The following ETHE1 variants were observed in gnomAD, a reference collection of about 807,000 sequenced individuals.
The protein encoded by ETHE1 is persulfide dioxygenase ETHE1, mitochondrial.
A neutral mutation model predicts 25.7 loss-of-function variants in ETHE1; 16 were observed. That is an observed-to-expected ratio of 0.62 (90% CI 0.42 to 0.95). ETHE1 has a LOEUF of 0.95. ETHE1 is among the 40% of genes least tolerant of loss of function. The probability of loss-of-function intolerance (pLI) is 0.00; values close to 1 mark genes in which losing one functional copy is unlikely to be tolerated. For missense variants in ETHE1, 300 were observed against 333.6 expected, an observed-to-expected ratio of 0.90 and a Z score of 0.79; for synonymous variants, 139 against 135.9, an observed-to-expected ratio of 1.02 and a Z score of -0.16.
chr19:43,523,463 G>A (rs1972176417), intron 3 of ETHE1, among the ~76,000 whole-genome samples: 1 of 151,830 alleles, frequency 6.6e-6, no homozygotes, highest in African/African-American at 2.4e-5. Flanking sequence ...TTTTAGTAGA[G>A]ACAGGGTTTC....
chr19:43,518,278 T>C (rs917114798), intron 3 of ETHE1, among the ~76,000 whole-genome samples: 5 of 150,736 alleles, frequency 3.3e-5, no homozygotes, highest in Admixed American at 2.6e-4. Flanking sequence ...GCACTTTGAG[T>C]CACCGAGAGG....
chr19:43,510,131 C>T (rs189149018), intron 4 of ETHE1, among the ~76,000 whole-genome samples: 71 of 152,224 alleles, frequency 4.7e-4, no homozygotes, highest in African/African-American at 1.6e-3. Context: ...CCTCTCCCCA[C>T]AAGACAGCTA....
At chr19:43,511,161 T>C (rs1250480299) in intron 4 of ETHE1, among the ~76,000 whole-genome samples, 1 of 152,100 alleles carries the variant, frequency 6.6e-6, no homozygotes, top group Non-Finnish European at 1.5e-5. Context: ...TCATTATCTA[T>C]TGCAATGTAA....
chr19:43,519,292 G>A (rs1212801901), intron 3 of ETHE1, among the ~76,000 whole-genome samples: 2 of 152,046 alleles, frequency 1.3e-5, no homozygotes, highest in African/African-American at 4.8e-5. Context: ...GATTACAGGC[G>A]TGAGCCACCG....
At position 43,519,641 on chromosome 19, in the gene ETHE1, T is replaced by G. The variant is rs558951023; in HGVS notation, c.375+6560A>C. ...GAATCCTGTAAAGCATTCAGCTTGCTGGCCTTGGAGTTCCCACGGCCTACA... is the reference window on the plus strand; with the variant it reads ...GAATCCTGTAAAGCATTCAGCTTGCGGGCCTTGGAGTTCCCACGGCCTACA... On this transcript the variant is annotated intron_variant, in intron 3 of 6. Coordinates refer to ENST00000292147, the MANE Select transcript of ETHE1 (RefSeq NM_014297.5). 3.5e-4 allele frequency among the ~76,000 whole-genome samples: 53 copies of G among 152,274 alleles called. 1 individual carries two copies. The highest frequency in any genetic ancestry group is 3.3e-3 in the Admixed American group (51 of 15,278).
intron 3 of ETHE1, among the ~76,000 whole-genome samples, chr19:43,516,382 C>T (rs1442420640): frequency 6.6e-6 from 1 of 151,904 alleles, no homozygotes; most frequent in Non-Finnish European, 1.5e-5. Flanking sequence ...TCACTGCAAC[C>T]TCCGCCTCCC....
intron 3 of ETHE1, among the ~76,000 whole-genome samples, chr19:43,518,032 C>T (rs1480064118): frequency 6.7e-6 from 1 of 148,824 alleles, no homozygotes; most frequent in African/African-American, 2.5e-5. Flanking sequence ...AAGTCAATAT[C>T]CTGGGGCAAA....
At chr19:43,517,707 C>T (rs1310462205) in intron 3 of ETHE1, among the ~76,000 whole-genome samples, 1 of 151,142 alleles carries the variant, frequency 6.6e-6, no homozygotes, top group Non-Finnish European at 1.5e-5. Context: ...ACCCAGGAAG[C>T]GGAGGCTGCA....
chr19:43,514,417 C>T (rs1971980266), intron 3 of ETHE1, among the ~76,000 whole-genome samples: 1 of 151,828 alleles, frequency 6.6e-6, no homozygotes, highest in Non-Finnish European at 1.5e-5. Flanking sequence ...GGAGGCCTCC[C>T]AAGCCAGGTG....
In ETHE1 at chr19:43,506,761, G is replaced by C. The variant is rs1252078758; in HGVS notation, c.*89C>G. The C allele has an allele frequency of 8.2e-7, 1 of 1,221,378 alleles. No homozygotes were observed. Among genetic ancestry groups the C allele is most frequent in the East Asian group, 2.3e-5 (1 of 42,976 alleles). The allele number at this position is 1,221,378 out of a possible 1,614,324, so 75.7% of individuals were successfully genotyped here. On this transcript the variant is annotated 3_prime_UTR_variant, in exon 7 of 7. Coordinates refer to ENST00000292147, the MANE Select transcript of ETHE1 (RefSeq NM_014297.5). ...TTATTTAGGGAGCTCCAGGGAATGC[G>C]GTGGGAAAGGAGAGGTGCAGTGTCA...
At position 43,526,315 on chromosome 19, in the gene ETHE1, G is replaced by T; in HGVS notation, c.261C>A (p.Gly87=). 1 of 1,614,178 alleles carries T rather than the reference G, an allele frequency of 6.2e-7. No homozygotes were observed. Among genetic ancestry groups the T allele is most frequent in the Non-Finnish European group, 8.5e-7 (1 of 1,180,034 alleles). Residue 87 remains glycine, a synonymous_variant, in exon 3 of 7, where the codon GGC becomes GGA. Coordinates refer to ENST00000292147, the MANE Select transcript of ETHE1 (RefSeq NM_014297.5). ...GGAGGAGGGAACGGAGCAGCCCCGAGCCTGTAATGTGGTCCGCGTGGCAGT... is the reference window on the plus strand; with the variant it reads ...GGAGGAGGGAACGGAGCAGCCCCGATCCTGTAATGTGGTCCGCGTGGCAGT... ...NTHCHADHIT[G]SGLLRSLLPG...
intron 6 of ETHE1, 93 bp from the exon 7 acceptor site, chr19:43,506,995 C>T (rs1453412195): frequency 5.3e-5 from 72 of 1,371,254 alleles, no homozygotes; most frequent in Non-Finnish European, 6.2e-5. Context: ...CTTTCCTCTT[C>T]AGGAAACTAG....
chr19:43,513,959 TG>T (rs1346763205), intron 3 of ETHE1, among the ~76,000 whole-genome samples: 1 of 152,134 alleles, frequency 6.6e-6, no homozygotes, highest in Non-Finnish European at 1.5e-5. Context: ...TGACCTCAGC[TG>T]ATCTGCCTGC....
At chr19:43,519,160 T>C (rs1407834768) in intron 3 of ETHE1, among the ~76,000 whole-genome samples, 1 of 151,586 alleles carries the variant, frequency 6.6e-6, no homozygotes, top group Non-Finnish European at 1.5e-5. Flanking sequence ...TACAGGAGCG[T>C]GCCACCATGC....
chr19:43,521,951 A>G (rs548562618), intron 3 of ETHE1, among the ~76,000 whole-genome samples: 2 of 152,150 alleles, frequency 1.3e-5, no homozygotes, highest in African/African-American at 4.8e-5. Context: ...CCTGTAATTC[A>G]CTTTGTACTT....
Position 43,506,903 on chromosome 19 carries a change from C to G in ETHE1, c.713-1G>C. On this transcript the variant is annotated splice_acceptor_variant, in intron 6 of 6. Coordinates refer to ENST00000292147, the MANE Select transcript of ETHE1 (RefSeq NM_014297.5). LOFTEE classifies it high-confidence loss of function. ...CGCATGTTGGCTGGAACAGCAAAGT[C>G]TGAAAGGAAGAAATCAAGGTTAAAA... 2 of 1,613,808 alleles carry G rather than the reference C, an allele frequency of 1.2e-6. No individual in the cohort carries two copies. The highest frequency in any genetic ancestry group is 1.7e-6 in the Non-Finnish European group (2 of 1,179,876).
intron 4 of ETHE1, 91 bp downstream of exon 4, chr19:43,511,346 G>A: frequency 1.3e-6 from 2 of 1,580,202 alleles, no homozygotes; most frequent in Non-Finnish European, 1.7e-6. Context: ...AAAGTCTAAT[G>A]TCCATCCATT....
At chr19:43,514,262 G>T (rs543259123) in intron 3 of ETHE1, among the ~76,000 whole-genome samples, 74 of 152,030 alleles carry the variant, frequency 4.9e-4, no homozygotes, top group African/African-American at 1.7e-3. Context: ...CATGGGGGTG[G>T]GTTTTTCCCA....
At chr19:43,513,080 G>A (rs1469633967) in intron 3 of ETHE1, among the ~76,000 whole-genome samples, 2 of 152,204 alleles carry the variant, frequency 1.3e-5, no homozygotes, top group Non-Finnish European at 2.9e-5. Flanking sequence ...TGGGCCTGCT[G>A]GTGAACAGAA....
Sources: gnomAD v4.1 joint callset for allele counts (sites outside exome capture counted in the v4.1 genomes callset) on GRCh38, gnomAD v4.1.1 for gene constraint, MANE v1.5 for transcripts, NCBI Gene and HGNC (gene_info 2026-07-23, HGNC 2026-07-21) for gene names.